The following PABPC4L variants were observed in gnomAD, a reference collection of about 807,000 sequenced individuals.
The protein encoded by PABPC4L is poly(A) binding protein cytoplasmic 4 like, also known as polyadenylate-binding protein 4-like.
For missense variants in PABPC4L, 452 were observed against 451.4 expected, an observed-to-expected ratio of 1.00 and a Z score of -0.01; for synonymous variants, 169 against 164.1, an observed-to-expected ratio of 1.03 and a Z score of -0.23.
At chr4:134,044,586 C>T in the PABPC4L span, among the ~76,000 whole-genome samples, 1 of 152,106 alleles carries the variant, frequency 6.6e-6, no homozygotes, top group African/African-American at 2.4e-5. Context: ...TTATAATGAG[C>T]TTCACCACCA....
At chr4:133,969,409 T>C in the PABPC4L span, among the ~76,000 whole-genome samples, 1 of 131,564 alleles carries the variant, frequency 7.6e-6, no homozygotes, top group East Asian at 2.0e-4. Context: ...AGCAGGCCTG[T>C]GTCGGCACAT....
the PABPC4L span, among the ~76,000 whole-genome samples, chr4:134,152,042 T>A: frequency 6.6e-6 from 1 of 151,962 alleles, no homozygotes; most frequent in Non-Finnish European, 1.5e-5. Flanking sequence ...CCCAATTTTC[T>A]AATGGATTGT....
At chr4:134,178,290 C>A in the PABPC4L span, among the ~76,000 whole-genome samples, 341 of 145,294 alleles carry the variant, frequency 2.3e-3, 2 homozygotes, top group East Asian at 0.027. Flanking sequence ...CAGGAATGAA[C>A]TAGAATTGAA....
chr4:134,033,785 G>T, the PABPC4L span, among the ~76,000 whole-genome samples: 1 of 151,774 alleles, frequency 6.6e-6, no homozygotes, highest in Non-Finnish European at 1.5e-5. Context: ...AGCTGAGGTT[G>T]GTTCATGAGA....
chr4:134,068,346 C>T, the PABPC4L span, among the ~76,000 whole-genome samples: 11 of 152,082 alleles, frequency 7.2e-5, no homozygotes, highest in Admixed American at 3.9e-4. Context: ...TAGCAATCCC[C>T]GCTTTTTCTT....
chr4:134,072,460 T>A, the PABPC4L span, among the ~76,000 whole-genome samples: 3 of 152,316 alleles, frequency 2.0e-5, no homozygotes, highest in South Asian at 4.1e-4. Flanking sequence ...GGATACCTTG[T>A]CAATTTTAAT....
the PABPC4L span, among the ~76,000 whole-genome samples, chr4:133,982,052 GATACTAATA>G: frequency 6.6e-6 from 1 of 151,896 alleles, no homozygotes; most frequent in Non-Finnish European, 1.5e-5. Flanking sequence ...TAACATCAGA[GATACTAATA>G]ATATTGAGGA....
At chr4:134,176,404 C>G in the PABPC4L span, among the ~76,000 whole-genome samples, 2 of 151,954 alleles carry the variant, frequency 1.3e-5, no homozygotes, top group African/African-American at 4.8e-5. Flanking sequence ...TAATCCCAGC[C>G]CTCTGAGAGG....
At chr4:133,961,823 G>A in the PABPC4L span, among the ~76,000 whole-genome samples, 19 of 152,214 alleles carry the variant, frequency 1.2e-4, no homozygotes, top group Middle Eastern at 3.4e-3. Context: ...GTCCATTGCC[G>A]CTCCCAATCA....
the PABPC4L span, among the ~76,000 whole-genome samples, chr4:134,171,512 C>T: frequency 0.21 from 31,808 of 151,964 alleles, 4,127 homozygotes; most frequent in Non-Finnish European, 0.27. Context: ...TTAGAGATTC[C>T]GGATCCTAGC....
the PABPC4L span, among the ~76,000 whole-genome samples, chr4:134,163,812 C>T: frequency 6.6e-6 from 1 of 151,956 alleles, no homozygotes; most frequent in Non-Finnish European, 1.5e-5. Context: ...TTATAAAAAT[C>T]CTCAACAACT....
At chr4:133,971,802 C>T in the PABPC4L span, among the ~76,000 whole-genome samples, 3 of 152,128 alleles carry the variant, frequency 2.0e-5, no homozygotes, top group Non-Finnish European at 4.4e-5. Context: ...TGCTTTTTCT[C>T]CCCGTTTTCA....
At chr4:134,111,741 T>C in the PABPC4L span, among the ~76,000 whole-genome samples, 1 of 151,936 alleles carries the variant, frequency 6.6e-6, no homozygotes, top group Non-Finnish European at 1.5e-5. Flanking sequence ...CTCTCTCTTC[T>C]CTTGTCTGCC....
Position 134,196,642 on chromosome 4 carries a change from T to G in PABPC4L, c.*3265A>C, listed in dbSNP as rs899306141. On this transcript the variant is annotated 3_prime_UTR_variant, in exon 2 of 2. Transcript: ENST00000421491. Reference sequence around the variant, plus strand: ...GGAATGCTTATCAGAAAAGTTAAGATTCTACTTATTTATTAAGGCACTTGG... The same window carrying G: ...GGAATGCTTATCAGAAAAGTTAAGAGTCTACTTATTTATTAAGGCACTTGG... 15 of 151,754 alleles carry G rather than the reference T, an allele frequency of 9.9e-5. No individual in the cohort carries two copies. The highest frequency in any genetic ancestry group is 3.4e-4 in the African/African-American group (14 of 41,418). 9.4% of individuals were successfully genotyped at this position (151,754 alleles called of 1,614,324 possible).
the PABPC4L span, among the ~76,000 whole-genome samples, chr4:134,020,134 A>T: frequency 6.6e-6 from 1 of 152,138 alleles, no homozygotes; most frequent in Non-Finnish European, 1.5e-5. Flanking sequence ...GGATTCTTGG[A>T]TCTCATGCAA....
At chr4:134,017,914 C>T in the PABPC4L span, among the ~76,000 whole-genome samples, 7 of 151,988 alleles carry the variant, frequency 4.6e-5, no homozygotes, top group Non-Finnish European at 8.8e-5. Flanking sequence ...AAATTTTCGC[C>T]GTCCCAACAC....
At chr4:133,961,737 G>A in the PABPC4L span, among the ~76,000 whole-genome samples, 18 of 152,098 alleles carry the variant, frequency 1.2e-4, no homozygotes, top group East Asian at 3.9e-4. Flanking sequence ...GTTTGCTGCC[G>A]TCCCAGACCC....
chr4:134,120,681 T>A, the PABPC4L span, among the ~76,000 whole-genome samples: 1 of 151,442 alleles, frequency 6.6e-6, no homozygotes, highest in African/African-American at 2.4e-5. Context: ...TCATTCTTAT[T>A]ATAAAGTCAG....
the PABPC4L span, among the ~76,000 whole-genome samples, chr4:134,138,454 T>A: frequency 1.3e-5 from 2 of 151,842 alleles, no homozygotes; most frequent in African/African-American, 4.8e-5. Context: ...CTCTAGTGAT[T>A]ACTTAATAAT....
Sources: allele counts gnomAD v4.1 joint callset (sites outside exome capture counted in the v4.1 genomes callset), GRCh38; gene constraint gnomAD v4.1.1; transcripts MANE v1.5; gene names NCBI Gene and HGNC (gene_info 2026-07-23, HGNC 2026-07-21).